LRRC4C: variants seen among roughly 807,000 people sequenced by gnomAD.
LRRC4C encodes the protein leucine rich repeat containing 4C, also known as leucine-rich repeat-containing protein 4C.
Under a neutral mutation model 33.6 loss-of-function variants are expected in LRRC4C, and 5 were observed. That is an observed-to-expected ratio of 0.15 (90% CI 0.08 to 0.31). The LOEUF (loss-of-function observed/expected upper bound fraction) is 0.31, where lower values mean the gene tolerates loss of function less well. LRRC4C is among the 10% of genes least tolerant of loss of function. LRRC4C has a pLI of 1.00. For synonymous variants in LRRC4C, 329 were observed against 302.0 expected, an observed-to-expected ratio of 1.09 and a Z score of -0.93; for missense variants, 560 against 796.7, an observed-to-expected ratio of 0.70 and a Z score of 3.58.
intron 2 of LRRC4C, among the ~76,000 whole-genome samples, chr11:40,898,731 T>C (rs1956078204): frequency 1.3e-5 from 2 of 151,908 alleles, no homozygotes; most frequent in African/African-American, 4.8e-5. Context: ...GTTTAAGGTA[T>C]GAATTTTATA....
intron 1 of LRRC4C, among the ~76,000 whole-genome samples, chr11:41,320,623 CA>C (rs536609132): frequency 6.0e-4 from 91 of 152,268 alleles, no homozygotes; most frequent in Non-Finnish European, 1.1e-3. Context: ...TTAGTGACTG[CA>C]CTAGTTTTCT....
At chr11:40,966,229 GGT>G (rs1851354575) in intron 1 of LRRC4C, among the ~76,000 whole-genome samples, 1 of 151,816 alleles carries the variant, frequency 6.6e-6, no homozygotes, top group Non-Finnish European at 1.5e-5. Context: ...TGAAAGAATA[GGT>G]ACACTTTACC....
At chr11:40,193,766 C>T (rs7925925) in intron 5 of LRRC4C, among the ~76,000 whole-genome samples, 64,915 of 151,826 alleles carry the variant, frequency 0.43, 14,269 homozygotes, top group South Asian at 0.62. Context: ...ACATAAATGA[C>T]CTGATGGAGA....
chr11:40,901,510 A>G (rs1956197785), intron 2 of LRRC4C, among the ~76,000 whole-genome samples: 1 of 152,110 alleles, frequency 6.6e-6, no homozygotes, highest in African/African-American at 2.4e-5. Flanking sequence ...TAATTATTTG[A>G]TATGGCATTT....
intron 4 of LRRC4C, among the ~76,000 whole-genome samples, chr11:40,252,734 C>T (rs1221284134): frequency 6.6e-6 from 1 of 152,066 alleles, no homozygotes; most frequent in African/African-American, 2.4e-5. Context: ...TCCTATATGG[C>T]TCCAATAGAG....
At chr11:41,139,561 C>G (rs1943413125) in intron 1 of LRRC4C, among the ~76,000 whole-genome samples, 1 of 152,038 alleles carries the variant, frequency 6.6e-6, no homozygotes, top group Non-Finnish European at 1.5e-5. Context: ...TAGAATAGAC[C>G]TCAAAAACTG....
chr11:41,222,779 A>G (rs1264237850), intron 1 of LRRC4C: 2 of 137,678 alleles, frequency 1.5e-5, no homozygotes, highest in Admixed American at 1.5e-4. Context: ...TACAACTGGT[A>G]TGGAGAAAGT....
At chr11:40,123,026 A>C (rs1855952170) in intron 6 of LRRC4C, among the ~76,000 whole-genome samples, 2 of 150,898 alleles carry the variant, frequency 1.3e-5, no homozygotes, top group African/African-American at 2.4e-5. Flanking sequence ...GACTGACCCC[A>C]GTACTTAAGG....
intron 1 of LRRC4C, among the ~76,000 whole-genome samples, chr11:41,214,503 G>A (rs960591093): frequency 1.3e-5 from 2 of 149,910 alleles, no homozygotes; most frequent in African/African-American, 2.5e-5. Context: ...AGGCCAAGGC[G>A]GGTGGATCAC....
At chr11:40,415,270 C>G (rs933409279) in intron 3 of LRRC4C, among the ~76,000 whole-genome samples, 6 of 152,214 alleles carry the variant, frequency 3.9e-5, no homozygotes, top group Non-Finnish European at 8.8e-5. Context: ...TAGTCACATA[C>G]AAGCTCATGC....
intron 1 of LRRC4C, among the ~76,000 whole-genome samples, chr11:41,122,277 G>T (rs114334984): frequency 6.6e-6 from 1 of 151,968 alleles, no homozygotes; most frequent in African/African-American, 2.4e-5. Flanking sequence ...TATTGAACCC[G>T]CCAGATTCAG....
At chr11:40,148,966 G>C (rs915886235) in intron 5 of LRRC4C, among the ~76,000 whole-genome samples, 12 of 152,100 alleles carry the variant, frequency 7.9e-5, no homozygotes, top group African/African-American at 2.9e-4. Context: ...GTTTTTGTCA[G>C]CTTTGTCAAA....
At chr11:41,320,897 T>C (rs1451193264) in intron 1 of LRRC4C, among the ~76,000 whole-genome samples, 1 of 152,194 alleles carries the variant, frequency 6.6e-6, no homozygotes, top group South Asian at 2.1e-4. Flanking sequence ...ATTGCAGGAA[T>C]GAAGTCATCT....
chr11:40,204,115 G>T (rs1192390135), intron 5 of LRRC4C, among the ~76,000 whole-genome samples: 1 of 151,994 alleles, frequency 6.6e-6, no homozygotes, highest in Non-Finnish European at 1.5e-5. Context: ...GGTGGTGGGG[G>T]GCGGTCTCAC....
At chr11:41,366,231 TAGATAGATAGA>T (rs1952537605) in intron 1 of LRRC4C, among the ~76,000 whole-genome samples, 2 of 146,382 alleles carry the variant, frequency 1.4e-5, no homozygotes, top group East Asian at 1.9e-4. Flanking sequence ...GATAGATAGA[TAGATAGATAGA>T]TAGGTAGATA....
intron 2 of LRRC4C, among the ~76,000 whole-genome samples, chr11:40,845,074 T>C (rs1333202156): frequency 6.6e-6 from 1 of 152,164 alleles, no homozygotes; most frequent in African/African-American, 2.4e-5. Flanking sequence ...TAAAACGTCA[T>C]GTTGTACAAC....
intron 1 of LRRC4C, among the ~76,000 whole-genome samples, chr11:41,124,003 G>A (rs765802314): frequency 6.6e-6 from 1 of 152,090 alleles, no homozygotes; most frequent in Non-Finnish European, 1.5e-5. Context: ...ATTGATTTTT[G>A]AAGCCTAAAT....
intron 1 of LRRC4C, among the ~76,000 whole-genome samples, chr11:41,050,292 C>A (rs1050708774): frequency 5.3e-5 from 8 of 152,126 alleles, no homozygotes; most frequent in African/African-American, 1.9e-4. Context: ...ACAATGAAGT[C>A]CAATTACATG....
At chr11:40,976,661 TAC>T (rs1852106902) in intron 1 of LRRC4C, among the ~76,000 whole-genome samples, 16 of 152,214 alleles carry the variant, frequency 1.1e-4, no homozygotes. Flanking sequence ...AGAGGTTTTC[TAC>T]AGTGTTTTAT....
Sources: allele counts gnomAD v4.1 joint callset (sites outside exome capture counted in the v4.1 genomes callset), GRCh38; gene constraint gnomAD v4.1.1; transcripts MANE v1.5; gene names NCBI Gene and HGNC (gene_info 2026-07-23, HGNC 2026-07-21).